UNC13B: variants seen among roughly 807,000 people sequenced by gnomAD.
The protein encoded by UNC13B is unc-13 homolog B.
UNC13B carries 144 observed loss-of-function variants against 211.0 expected under a neutral mutation model. The ratio of observed to expected loss-of-function variants is 0.68; its 90% CI spans 0.60 to 0.78. The LOEUF (loss-of-function observed/expected upper bound fraction) is 0.78. Among genes scored for constraint, UNC13B ranks in the 30% least tolerant of loss-of-function variants. The pLI is 0.00. For missense variants in UNC13B, 1,777 were observed against 2,002.0 expected (o/e 0.89, Z 2.14); for synonymous variants, 709 against 725.8 (o/e 0.98, Z 0.37).
rs368472596 is a variant in UNC13B, at chr9:35,398,917, T to C, written c.11957T>C (p.Met3986Thr). 4.3e-6 allele frequency: 7 copies of C among 1,613,976 alleles called. No homozygotes were observed. In the African/African-American group the frequency reaches 9.3e-5, roughly 22 times the overall value. ...QVRIDECVRQ[M>T]ADILGQVRGT... Reference sequence around the variant, plus strand: ...CGGATTGATGAGTGTGTTCGACAAATGGCCGACATCCTGGGCCAGGTTCGG... The same window carrying C: ...CGGATTGATGAGTGTGTTCGACAAACGGCCGACATCCTGGGCCAGGTTCGG... Residue 3986 changes from methionine (M) to threonine (T), a missense_variant, in exon 33 of 40, where the codon ATG becomes ACG. Transcript: ENST00000635942.
chr9:35,400,537 C>A, intron 37 of UNC13B, 94 bp downstream of exon 37: 1 of 1,422,050 alleles, frequency 7.0e-7, no homozygotes, highest in East Asian at 2.3e-5. Context: ...GGAGCAGATC[C>A]AGTTACTTCT....
intron 9 of UNC13B, among the ~76,000 whole-genome samples, chr9:35,309,007 C>T (rs921554410): frequency 2.4e-4 from 37 of 152,164 alleles, no homozygotes; most frequent in African/African-American, 8.4e-4. Context: ...CTGCCTTTTA[C>T]TACCCTCAAG....
At chr9:35,247,928 G>A (rs1826202190) in intron 6 of UNC13B, among the ~76,000 whole-genome samples, 1 of 152,162 alleles carries the variant, frequency 6.6e-6, no homozygotes, top group Admixed American at 6.5e-5. Context: ...CAGAAGGAAT[G>A]GTACCAGCTC....
At position 35,288,163 on chromosome 9, in the gene UNC13B, G is replaced by A. The variant is rs181391922; in HGVS notation, c.527-7533G>A. Among the ~76,000 whole-genome samples, 367 of 151,708 alleles carry A rather than the reference G, an allele frequency of 2.4e-3. 1 individual carries two copies. The highest frequency in any genetic ancestry group is 8.0e-3 in the African/African-American group (332 of 41,348). On this transcript the variant is annotated intron_variant, in intron 7 of 39. Transcript: ENST00000635942. ...CAGATGAGTGCACCATTCTCCTTAC[G>A]AGCCTCCCTGACACCTCCTCCCTAT... is the stretch of plus-strand genomic sequence containing the variant.
chr9:35,371,194 C>G (rs1564174186), intron 13 of UNC13B, among the ~76,000 whole-genome samples: 2 of 152,124 alleles, frequency 1.3e-5, no homozygotes, highest in South Asian at 4.2e-4. Flanking sequence ...CTAACCACCC[C>G]TCTTCCCTCT....
At chr9:35,183,674 G>T (rs1321601884) in intron 1 of UNC13B, among the ~76,000 whole-genome samples, 5 of 133,718 alleles carry the variant, frequency 3.7e-5, no homozygotes, top group Non-Finnish European at 6.4e-5. Flanking sequence ...GGGCAGAGGC[G>T]CTCCTCACTT....
intron 11 of UNC13B, chr9:35,353,596 G>A (rs1832852293): frequency 2.4e-6 from 3 of 1,232,102 alleles, no homozygotes; most frequent in Non-Finnish European, 3.0e-6. Context: ...GTGTTGCTCT[G>A]GCTCCATGTC....
chr9:35,380,590 C>G lies in UNC13B; in HGVS notation c.10326C>G (p.Ile3442Met), dbSNP rs1350276599. ...CTGATGATTTCCTTGGCCAAACCAT[C>G]ATTGAGGTTCGGACCCTAAGTGGCG... ...RESDDFLGQTIIEVRTLSGEM... is the reference protein window; with the variant it reads ...RESDDFLGQTMIEVRTLSGEM... Residue 3442 changes from isoleucine to methionine, a missense_variant, in exon 18 of 40, where the codon ATC becomes ATG. Ile to Met is a conservative substitution (Grantham distance 10, BLOSUM62 1). Coordinates refer to ENST00000635942, the MANE Select transcript of UNC13B (RefSeq NM_001371189.2). 1.9e-6 allele frequency: 3 copies of G among 1,614,212 alleles called. No individual in the cohort carries two copies. In the East Asian group the frequency reaches 6.7e-5, roughly 36 times the overall value.
intron 7 of UNC13B, among the ~76,000 whole-genome samples, chr9:35,274,945 T>G (rs1417715108): frequency 6.6e-6 from 1 of 152,252 alleles, no homozygotes; most frequent in Non-Finnish European, 1.5e-5. Context: ...TGGAGCTTTT[T>G]GTTCAGTGTC....
chr9:35,201,192 G>A (rs538456698), intron 1 of UNC13B, among the ~76,000 whole-genome samples: 85 of 152,296 alleles, frequency 5.6e-4, no homozygotes, highest in African/African-American at 2.0e-3. Context: ...AAGCCCACTT[G>A]ATCATGGTGG....
At chr9:35,322,029 T>C (rs540964458) in intron 11 of UNC13B, among the ~76,000 whole-genome samples, 1 of 152,370 alleles carries the variant, frequency 6.6e-6, no homozygotes, top group South Asian at 2.1e-4. Flanking sequence ...AGGTCACTTA[T>C]ACTTCTTCAG....
chr9:35,380,580 G>GC lies in UNC13B; in HGVS notation c.10318dup (p.Gln3440ProfsTer5). 6.2e-7 allele frequency: 1 copy of GC among 1,614,186 alleles called. No individual in the cohort carries two copies. Among genetic ancestry groups the GC allele is most frequent in the Non-Finnish European group, 8.5e-7 (1 of 1,180,032 alleles). ...AAGCGAGAGTCTGATGATTTCCTTG[G>GC]CCAAACCATCATTGAGGTTCGGACC... On this transcript the variant is annotated frameshift_variant, in exon 18 of 40. Transcript: ENST00000635942. LOFTEE classifies it high-confidence loss of function.
At chr9:35,289,967 C>A (rs1172726080) in intron 7 of UNC13B, among the ~76,000 whole-genome samples, 1 of 152,038 alleles carries the variant, frequency 6.6e-6, no homozygotes, top group African/African-American at 2.4e-5. Context: ...CAGAGTGAGA[C>A]TCTGTCTCAA....
intron 7 of UNC13B, among the ~76,000 whole-genome samples, chr9:35,268,307 A>T (rs1255703232): frequency 4.6e-5 from 7 of 152,182 alleles, no homozygotes; most frequent in African/African-American, 1.7e-4. Flanking sequence ...GCTGACAAGG[A>T]TCTAGTTAAA....
chr9:35,251,097 G>T lies in UNC13B; in HGVS notation c.468+7733G>T, dbSNP rs371079642. On this transcript the variant is annotated intron_variant, in intron 6 of 39. Transcript: ENST00000635942. ...CCTGCCTCAGCCTCCGGAGTAGCTG[G>T]GACTACTGGCACCCGCCACCGCACC... Among the ~76,000 whole-genome samples, 4 of 151,504 alleles carry T rather than the reference G, an allele frequency of 2.6e-5. No individual in the cohort carries two copies. In the South Asian group the frequency reaches 8.4e-4, roughly 32 times the overall value.
chr9:35,339,681 G>T (rs1831868150), intron 11 of UNC13B, among the ~76,000 whole-genome samples: 1 of 152,272 alleles, frequency 6.6e-6, no homozygotes, highest in African/African-American at 2.4e-5. Context: ...GGAGATGGCA[G>T]ATTTGTTGTG....
At chr9:35,367,826 G>C (rs929052308) in intron 12 of UNC13B, among the ~76,000 whole-genome samples, 1 of 152,164 alleles carries the variant, frequency 6.6e-6, no homozygotes, top group Non-Finnish European at 1.5e-5. Context: ...GCCTGTAACT[G>C]ACTGTTCTTA....
At chr9:35,241,720 A>C (rs1340319447) in intron 5 of UNC13B, among the ~76,000 whole-genome samples, 1 of 152,236 alleles carries the variant, frequency 6.6e-6, no homozygotes, top group Non-Finnish European at 1.5e-5. Flanking sequence ...CTGCAGCAGC[A>C]GCAGCTCCTC....
intron 1 of UNC13B, among the ~76,000 whole-genome samples, chr9:35,183,690 A>T: frequency 8.6e-6 from 1 of 115,934 alleles, no homozygotes; most frequent in Non-Finnish European, 1.8e-5. Context: ...CACTTCCCAG[A>T]CGGGGCAGCT....
Sources: allele counts gnomAD v4.1 joint callset (sites outside exome capture counted in the v4.1 genomes callset), GRCh38; gene constraint gnomAD v4.1.1; transcripts MANE v1.5; gene names NCBI Gene and HGNC (gene_info 2026-07-23, HGNC 2026-07-21).